MSI2: variants seen among roughly 807,000 people sequenced by gnomAD.
The protein encoded by MSI2 is musashi RNA binding protein 2.
MSI2 carries 17 observed loss-of-function variants against 45.6 expected under a neutral mutation model. The observed-to-expected ratio is 0.37, with a 90% CI of 0.26 to 0.56. The LOEUF is 0.56. Ranked by LOEUF, MSI2 falls within the 20% of genes least tolerant of loss-of-function variation. The pLI is 0.77. For missense variants in MSI2, 293 were observed against 444.2 expected, an observed-to-expected ratio of 0.66 and a Z score of 3.06; for synonymous variants, 156 against 158.2, an observed-to-expected ratio of 0.99 and a Z score of 0.11.
chr17:57,550,427 A>G (rs1422997725), intron 7 of MSI2, among the ~76,000 whole-genome samples: 2 of 152,232 alleles, frequency 1.3e-5, no homozygotes, highest in East Asian at 3.8e-4. Flanking sequence ...AACCTGAAGT[A>G]AATAATGCTG....
rs141852109 is a variant in MSI2 at position 57,462,546 on chromosome 17, G to T, written c.405+61075G>T. Among the ~76,000 whole-genome samples, 20 of 152,330 alleles carry T rather than the reference G, an allele frequency of 1.3e-4. 1 individual carries two copies. In the East Asian group the frequency reaches 3.3e-3, roughly 25 times the overall value. On this transcript the variant is annotated intron_variant, in intron 6 of 13. Coordinates refer to ENST00000284073, the MANE Select transcript of MSI2 (RefSeq NM_138962.4). ...GTGTAGGCTGCAGTTCCCAGCAGGGGTTTATGAGTGTGGACAAGAAAAAGG... is the reference window on the plus strand; with the variant it reads ...GTGTAGGCTGCAGTTCCCAGCAGGGTTTTATGAGTGTGGACAAGAAAAAGG...
intron 6 of MSI2, among the ~76,000 whole-genome samples, chr17:57,445,798 GC>G (rs142190209): frequency 6.6e-6 from 1 of 152,276 alleles, no homozygotes; most frequent in East Asian, 1.9e-4. Context: ...TCCAAAGTGT[GC>G]CCCGTTCTAT....
At chr17:57,341,582 G>A (rs534578388) in intron 5 of MSI2, among the ~76,000 whole-genome samples, 81 of 152,264 alleles carry the variant, frequency 5.3e-4, no homozygotes, top group Non-Finnish European at 9.1e-4. Context: ...TCACTCCCTG[G>A]TACATTGTGC....
intron 6 of MSI2, among the ~76,000 whole-genome samples, chr17:57,462,155 A>G (rs916396409): frequency 2.3e-4 from 35 of 152,098 alleles, no homozygotes; most frequent in African/African-American, 8.0e-4. Context: ...CATCACTCCA[A>G]TCTCTGCCTT....
chr17:57,561,090 T>G (rs1882114916), intron 7 of MSI2, among the ~76,000 whole-genome samples: 2 of 152,152 alleles, frequency 1.3e-5, no homozygotes, highest in South Asian at 4.1e-4. Context: ...TGTGCACATT[T>G]AGGGAGTCAA....
At chr17:57,485,218 G>A (rs1037371806) in intron 6 of MSI2, among the ~76,000 whole-genome samples, 1 of 152,206 alleles carries the variant, frequency 6.6e-6, no homozygotes, top group Non-Finnish European at 1.5e-5. Flanking sequence ...GGTGGCCCAG[G>A]TGTGAAGCCA....
At chr17:57,281,348 A>G (rs1347096745) in intron 5 of MSI2, among the ~76,000 whole-genome samples, 2 of 152,124 alleles carry the variant, frequency 1.3e-5, no homozygotes, top group African/African-American at 4.8e-5. Flanking sequence ...TTCTGAGCTC[A>G]TGTGGGCCAC....
intron 7 of MSI2, among the ~76,000 whole-genome samples, chr17:57,582,135 G>A (rs545170273): frequency 1.3e-5 from 2 of 152,212 alleles, no homozygotes; most frequent in South Asian, 4.2e-4. Context: ...ACACCCGCTG[G>A]CAGTCACTGA....
intron 5 of MSI2, among the ~76,000 whole-genome samples, chr17:57,323,653 C>T (rs978060685): frequency 2.6e-5 from 4 of 152,250 alleles, no homozygotes; most frequent in African/African-American, 9.6e-5. Context: ...CCTAGGTCAG[C>T]GTCCTGTGGC....
intron 5 of MSI2, among the ~76,000 whole-genome samples, chr17:57,287,458 G>A (rs1455192032): frequency 2.6e-5 from 4 of 152,198 alleles, no homozygotes; most frequent in Admixed American, 2.6e-4. Flanking sequence ...GTGGAGGACT[G>A]CCGGGGCTTA....
At chr17:57,695,770 T>C in the MSI2 span, among the ~76,000 whole-genome samples, 3 of 152,116 alleles carry the variant, frequency 2.0e-5, no homozygotes, top group Non-Finnish European at 4.4e-5. Context: ...ACAACAGACA[T>C]TTATTTTCTC....
At chr17:57,329,688 G>T (rs796706201) in intron 5 of MSI2, among the ~76,000 whole-genome samples, 2 of 152,122 alleles carry the variant, frequency 1.3e-5, no homozygotes, top group Non-Finnish European at 2.9e-5. Flanking sequence ...CTCTTTCCCC[G>T]GTGTTTGAGT....
chr17:57,562,478 G>A (rs1024545511), intron 7 of MSI2, among the ~76,000 whole-genome samples: 2 of 152,226 alleles, frequency 1.3e-5, no homozygotes, highest in African/African-American at 4.8e-5. Context: ...GCGACTGGAA[G>A]TGCAGAGCTG....
At chr17:57,697,849 C>T in the MSI2 span, among the ~76,000 whole-genome samples, 1 of 152,128 alleles carries the variant, frequency 6.6e-6, no homozygotes, top group Admixed American at 6.5e-5. Context: ...TCCAACAACA[C>T]GTGGGAATTA....
rs978416537 is a variant in MSI2, at chr17:57,620,286, T to C, written c.652+4202T>C. ...CTTCATGGGGTTGTTCAGGGATAAA[T>C]GCAACTGTATCTTGCCTGGTAAATG... On this transcript the variant is annotated intron_variant, in intron 9 of 13. Transcript: ENST00000284073. 2.1e-4 allele frequency among the ~76,000 whole-genome samples: 32 copies of C among 152,244 alleles called. 1 individual carries two copies. Among genetic ancestry groups the C allele is most frequent in the African/African-American group, 4.8e-5 (2 of 41,452 alleles).
intron 5 of MSI2, among the ~76,000 whole-genome samples, chr17:57,385,393 C>G (rs746657710): frequency 5.3e-5 from 8 of 152,222 alleles, no homozygotes; most frequent in Non-Finnish European, 7.3e-5. Context: ...ATATTCCATG[C>G]TGCTGTGACT....
intron 6 of MSI2, among the ~76,000 whole-genome samples, chr17:57,487,893 A>C (rs970357700): frequency 6.6e-6 from 1 of 151,200 alleles, no homozygotes; most frequent in South Asian, 2.1e-4. Context: ...CTCTATTCTC[A>C]TAGTACTTGG....
At chr17:57,449,043 A>G (rs2084949670) in intron 6 of MSI2, 1 of 152,294 alleles carries the variant, frequency 6.6e-6, no homozygotes, top group Non-Finnish European at 1.5e-5. Flanking sequence ...TTGTTGGCTG[A>G]AAGCCAAGCT....
In MSI2 at chr17:57,529,623, G is replaced by C; in HGVS notation, c.406-53G>C. ...CCCCCCGACATGCATATAATGTTTT[G>C]TGTACTTTCTTAAAATTCCTAAGGC... On this transcript the variant is annotated intron_variant, in intron 6 of 13. Coordinates refer to ENST00000284073, the MANE Select transcript of MSI2 (RefSeq NM_138962.4). This position sits in a 1 kb window ranked among gnomAD's most constrained non-coding sequence, Gnocchi z 5.3. The C allele has an allele frequency of 6.5e-7, 1 of 1,536,288 alleles. No individual in the cohort carries two copies. The highest frequency in any genetic ancestry group is 9.0e-7 in the Non-Finnish European group (1 of 1,115,094).
Sources: allele counts gnomAD v4.1 joint callset (sites outside exome capture counted in the v4.1 genomes callset), GRCh38; gene constraint gnomAD v4.1.1; non-coding constraint Gnocchi (gnomAD v3.1); transcripts MANE v1.5; gene names NCBI Gene and HGNC (gene_info 2026-07-23, HGNC 2026-07-21).